EVC: variants seen among roughly 807,000 people sequenced by gnomAD.
The protein encoded by EVC is evC complex member EVC.
Under a neutral mutation model 118.9 loss-of-function variants are expected in EVC, and 116 were observed. The observed-to-expected ratio is 0.98, with a 90% confidence interval of 0.84 to 1.14. The LOEUF is 1.14. Among genes scored for constraint, EVC ranks in the 50% most tolerant of loss-of-function variants. The pLI is 0.00. For missense variants in EVC, 1,401 were observed against 1,246.4 expected (o/e 1.12, Z -1.87); for synonymous variants, 619 against 534.7 (o/e 1.16, Z -2.18).
In EVC at chr4:5,756,794, G is replaced by A. The variant is rs1202967192; in HGVS notation, c.1563+432G>A. 6.6e-6 allele frequency among the ~76,000 whole-genome samples: 1 copy of A among 152,136 alleles called. No homozygotes were observed. Among genetic ancestry groups the A allele is most frequent in the Non-Finnish European group, 1.5e-5 (1 of 68,022 alleles). On this transcript the variant is annotated intron_variant, in intron 11 of 20. Transcript: ENST00000264956. This position sits in a 1 kb window ranked among gnomAD's most constrained non-coding sequence, Gnocchi z 4.2. ...GTGCAACCGTGTGCAGGTCTGGGGT[G>A]GGGAGGTGAAGCTGGCCATGCTTGC...
At chr4:5,757,057 G>A (rs1731284478) in intron 11 of EVC, among the ~76,000 whole-genome samples, 1 of 152,208 alleles carries the variant, frequency 6.6e-6, no homozygotes. Context: ...CTCACTGCGT[G>A]ACCACAGGAG....
intron 5 of EVC, among the ~76,000 whole-genome samples, chr4:5,741,480 G>A (rs1271379555): frequency 6.6e-6 from 1 of 152,208 alleles, no homozygotes; most frequent in Non-Finnish European, 1.5e-5. Flanking sequence ...GCATGAGGAA[G>A]AAAGGAAGCT....
Position 5,738,861 on chromosome 4 carries a change from CA to C in EVC, c.703-2854del, listed in dbSNP as rs1728092203. On this transcript the variant is annotated intron_variant, in intron 5 of 20. Transcript: ENST00000264956. This position sits in a 1 kb window ranked among gnomAD's most constrained non-coding sequence, Gnocchi z 6.5. ...GATTACGGGTGTGAGCCACCGCACC[CA>C]GCCCAACAACTTTTTTTTAATAATC... Among the ~76,000 whole-genome samples the C allele has an allele frequency of 1.3e-5, 2 of 152,100 alleles. No individual in the cohort carries two copies. Among genetic ancestry groups the C allele is most frequent in the Non-Finnish European group, 2.9e-5 (2 of 68,026 alleles).
chr4:5,793,199 G>C (rs1283313603), intron 12 of EVC, among the ~76,000 whole-genome samples: 2 of 152,074 alleles, frequency 1.3e-5, no homozygotes, highest in African/African-American at 2.4e-5. Context: ...ATAGAACAAA[G>C]TACAGAAGCT....
rs1165336913 is a variant in EVC, at chr4:5,754,168, G to T, written c.1464+235G>T. Among the ~76,000 whole-genome samples, 1 of 152,176 alleles carries T rather than the reference G, an allele frequency of 6.6e-6. No individual in the cohort carries two copies. Among genetic ancestry groups the T allele is most frequent in the Admixed American group, 6.5e-5 (1 of 15,288 alleles). On this transcript the variant is annotated intron_variant, in intron 10 of 20. Coordinates refer to ENST00000264956, the MANE Select transcript of EVC (RefSeq NM_153717.3). This position sits in a 1 kb window ranked among gnomAD's most constrained non-coding sequence, Gnocchi z 5.8. ...CCTCACTGGGCTGCTGAGAAGAGGA[G>T]GGGGTAGGATCCGTAGAGAGCTTGG...
intron 12 of EVC, 21 bp from the exon 13 acceptor site, chr4:5,793,587 G>T: frequency 6.5e-7 from 1 of 1,545,532 alleles, no homozygotes; most frequent in Non-Finnish European, 8.8e-7. Context: ...TGCCTGCTCT[G>T]TCCCTCTGTC....
Position 5,743,497 on chromosome 4 carries a change from T to A in EVC, c.801+1683T>A, listed in dbSNP as rs1308516537. On this transcript the variant is annotated intron_variant, in intron 6 of 20. Coordinates refer to ENST00000264956, the MANE Select transcript of EVC (RefSeq NM_153717.3). This position sits in a 1 kb window ranked among gnomAD's most constrained non-coding sequence, Gnocchi z 4.7. ...CATCAGCACCACCATCATCACCATC[T>A]TCATCAGCACCACCATCACCACCTT... 6.6e-6 allele frequency among the ~76,000 whole-genome samples: 1 copy of A among 152,132 alleles called. No homozygotes were observed. The highest frequency in any genetic ancestry group is 2.4e-5 in the African/African-American group (1 of 41,420).
rs547128441 is a variant in EVC at position 5,778,502 on chromosome 4, T to C, written c.1564-5050T>C. ...TCTCCACATCCTCTCCAGCACCTGT[T>C]GTTTCCTGACTTTTTAATGATTGCC... On this transcript the variant is annotated intron_variant, in intron 11 of 20. Coordinates refer to ENST00000264956, the MANE Select transcript of EVC (RefSeq NM_153717.3). Among the ~76,000 whole-genome samples the C allele has an allele frequency of 3.7e-3, 558 of 152,142 alleles. 6 individuals carry two copies. Among genetic ancestry groups the C allele is most frequent in the African/African-American group, 0.012 (500 of 41,450 alleles).
At chr4:5,734,773 G>A (rs1319791711) in intron 5 of EVC, among the ~76,000 whole-genome samples, 2 of 152,328 alleles carry the variant, frequency 1.3e-5, no homozygotes, top group African/African-American at 4.8e-5. Flanking sequence ...CCGTAAATAT[G>A]CTAGAATTCA....
At chr4:5,792,317 A>G (rs1011367695) in intron 12 of EVC, among the ~76,000 whole-genome samples, 3 of 152,246 alleles carry the variant, frequency 2.0e-5, no homozygotes, top group Non-Finnish European at 4.4e-5. Context: ...AAGGAAAACA[A>G]TATCCCAGGC....
chr4:5,774,672 C>G (rs1276967188), intron 11 of EVC, among the ~76,000 whole-genome samples: 1 of 152,010 alleles, frequency 6.6e-6, no homozygotes, highest in Non-Finnish European at 1.5e-5. Flanking sequence ...ACAAAGTGAG[C>G]AGTTTGTATT....
In EVC at chr4:5,789,743, T is replaced by G. The variant is rs141991857; in HGVS notation, c.1777-3865T>G. 0.012 allele frequency among the ~76,000 whole-genome samples: 1,837 copies of G among 152,350 alleles called. 14 individuals carry two copies. The highest frequency in any genetic ancestry group is 0.02 in the Non-Finnish European group (1,330 of 68,034). On this transcript the variant is annotated intron_variant, in intron 12 of 20. Coordinates refer to ENST00000264956, the MANE Select transcript of EVC (RefSeq NM_153717.3). The surrounding 1 kb of genome is among the most constrained non-coding windows in gnomAD (Gnocchi z 4.3). ...CATTTGATAATGCTGAAGAGGTTTA[T>G]GTAACAGCTGCAGGCACCATCTGGT...
intron 17 of EVC, among the ~76,000 whole-genome samples, chr4:5,807,931 G>C (rs1046161288): frequency 6.6e-6 from 1 of 152,188 alleles, no homozygotes; most frequent in Non-Finnish European, 1.5e-5. Context: ...CTGTCCTGCT[G>C]GTGTCATGAA....
chr4:5,721,545 T>C (rs1724964493), intron 2 of EVC, among the ~76,000 whole-genome samples: 1 of 151,962 alleles, frequency 6.6e-6, no homozygotes, highest in Admixed American at 6.6e-5. Flanking sequence ...GAGGACAGGG[T>C]TTCTCTTTGA....
At chr4:5,815,211 T>C (rs6813104), downstream of EVC, among the ~76,000 whole-genome samples, 116,492 of 151,976 alleles carry the variant, frequency 0.77, 44,775 homozygotes, top group South Asian at 0.84. Flanking sequence ...CACTCCCGGG[T>C]CTCGGTGGGG....
chr4:5,756,105 C>A lies in EVC; in HGVS notation c.1465-159C>A, dbSNP rs1251964501. Reference sequence around the variant, plus strand: ...CTGACCCTGGCATCAGCTGTGAAAGCCATGTGACAGCCCCATGCCTCAGTT... The same window carrying A: ...CTGACCCTGGCATCAGCTGTGAAAGACATGTGACAGCCCCATGCCTCAGTT... On this transcript the variant is annotated intron_variant, in intron 10 of 20. Coordinates refer to ENST00000264956, the MANE Select transcript of EVC (RefSeq NM_153717.3). The surrounding 1 kb of genome is among the most constrained non-coding windows in gnomAD (Gnocchi z 4.2). Among the ~76,000 whole-genome samples, 1 of 152,122 alleles carries A rather than the reference C, an allele frequency of 6.6e-6. No homozygotes were observed. The highest frequency in any genetic ancestry group is 1.9e-4 in the East Asian group (1 of 5,196).
intron 11 of EVC, among the ~76,000 whole-genome samples, chr4:5,777,341 T>G (rs1185660127): frequency 6.6e-6 from 1 of 152,138 alleles, no homozygotes; most frequent in East Asian, 1.9e-4. Context: ...ATTTCTCCAG[T>G]ATGGCTTTTT....
intron 11 of EVC, among the ~76,000 whole-genome samples, chr4:5,773,940 TC>T (rs970160099): frequency 1.3e-5 from 2 of 151,982 alleles, no homozygotes; most frequent in African/African-American, 4.8e-5. Flanking sequence ...AACAAAAGTC[TC>T]CCAGGGGCCA....
At chr4:5,782,803 C>T (rs545096351) in intron 11 of EVC, among the ~76,000 whole-genome samples, 59 of 152,054 alleles carry the variant, frequency 3.9e-4, no homozygotes, top group African/African-American at 1.4e-3. Context: ...CATGATAAGA[C>T]GTGAAGTTTA....
Sources: gnomAD v4.1 joint callset for allele counts (sites outside exome capture counted in the v4.1 genomes callset) on GRCh38, gnomAD v4.1.1 for gene constraint, Gnocchi (gnomAD v3.1) non-coding constraint, MANE v1.5 for transcripts, NCBI Gene and HGNC (gene_info 2026-07-23, HGNC 2026-07-21) for gene names.